The following CIB4 variants were observed in gnomAD, a reference collection of about 807,000 sequenced individuals.
CIB4 encodes the protein calcium and integrin binding family member 4.
CIB4 carries 25 observed loss-of-function variants against 25.8 expected under a neutral mutation model. That is an observed-to-expected ratio of 0.97 (90% CI 0.71 to 1.35). The LOEUF (loss-of-function observed/expected upper bound fraction) is 1.35. Among genes scored for constraint, CIB4 ranks in the 40% most tolerant of loss-of-function variants. The probability of loss-of-function intolerance (pLI) is 0.00; values close to 1 mark genes in which losing one functional copy is unlikely to be tolerated. For missense variants in CIB4, 235 were observed against 228.2 expected, an observed-to-expected ratio of 1.03 and a Z score of -0.19; for synonymous variants, 75 against 81.4, an observed-to-expected ratio of 0.92 and a Z score of 0.42.
intron 3 of CIB4, among the ~76,000 whole-genome samples, chr2:26,602,928 G>A (rs1464432585): frequency 6.6e-6 from 1 of 152,090 alleles, no homozygotes; most frequent in Non-Finnish European, 1.5e-5. Flanking sequence ...GGTGTTCTGT[G>A]CCTGTAGTCC....
intron 1 of CIB4, among the ~76,000 whole-genome samples, 169 bp from the exon 2 acceptor site, chr2:26,640,736 G>T (rs1215260681): frequency 6.6e-6 from 1 of 152,214 alleles, no homozygotes; most frequent in Non-Finnish European, 1.5e-5. Flanking sequence ...GAGAGGAAAT[G>T]GTGCTCTTTC....
At position 26,623,835 on chromosome 2, in the gene CIB4, G is replaced by A. The variant is rs549165930; in HGVS notation, c.186+5575C>T. On this transcript the variant is annotated intron_variant, in intron 3 of 6. Coordinates refer to ENST00000288861, the MANE Select transcript of CIB4 (RefSeq NM_001029881.3). ...GGCCCTGTTTCCAGCCATCCCCAGT[G>A]GATGCAACTACAGCTCTGGGCTCGG... is the stretch of plus-strand genomic sequence containing the variant. Among the ~76,000 whole-genome samples the A allele has an allele frequency of 1.7e-4, 26 of 152,282 alleles. No homozygotes were observed. In the South Asian group the frequency reaches 5.4e-3, roughly 32 times the overall value.
chr2:26,583,984 C>A (rs1236750805), intron 4 of CIB4, 86 bp from the exon 5 acceptor site: 11 of 817,698 alleles, frequency 1.3e-5, no homozygotes, highest in Non-Finnish European at 1.9e-5. Flanking sequence ...GACACAGCAC[C>A]AGCCAGGACC....
At chr2:26,590,619 C>G (rs76208631) in intron 4 of CIB4, among the ~76,000 whole-genome samples, 7 of 152,116 alleles carry the variant, frequency 4.6e-5, no homozygotes, top group Non-Finnish European at 2.9e-5. Flanking sequence ...GTGGACCACT[C>G]CCCCCTCGAC....
At chr2:26,591,038 T>C (rs1338213939) in intron 4 of CIB4, among the ~76,000 whole-genome samples, 1 of 152,200 alleles carries the variant, frequency 6.6e-6, no homozygotes, top group Non-Finnish European at 1.5e-5. Context: ...TCTGCTCACC[T>C]CGCTCCTGAA....
chr2:26,613,010 C>T (rs1249388758), intron 3 of CIB4, among the ~76,000 whole-genome samples: 1 of 152,198 alleles, frequency 6.6e-6, no homozygotes. Flanking sequence ...GGCATTTGGC[C>T]TTGGGCAGAA....
chr2:26,588,916 T>C (rs1201680778), intron 4 of CIB4, among the ~76,000 whole-genome samples: 1 of 151,848 alleles, frequency 6.6e-6, no homozygotes, highest in African/African-American at 2.4e-5. Context: ...TGGAGGCCAG[T>C]AGGTAAGCTC....
intron 3 of CIB4, among the ~76,000 whole-genome samples, chr2:26,622,098 C>T (rs139646623): frequency 2.6e-5 from 4 of 152,184 alleles, no homozygotes; most frequent in East Asian, 1.9e-4. Context: ...TGGTGGCTCA[C>T]GCCTGTAATC....
intron 4 of CIB4, among the ~76,000 whole-genome samples, chr2:26,593,912 T>C (rs1668633815): frequency 6.6e-6 from 1 of 152,220 alleles, no homozygotes; most frequent in South Asian, 2.1e-4. Context: ...TGGACTCCCT[T>C]TCTCTTTCAT....
chr2:26,638,014 C>T (rs59190355), intron 2 of CIB4, among the ~76,000 whole-genome samples: 2,426 of 152,326 alleles, frequency 0.016, 68 homozygotes, highest in African/African-American at 0.054. Context: ...CCACCCCCAG[C>T]GCTGACGCAC....
Position 26,582,889 on chromosome 2 carries a change from T to C in CIB4, c.463A>G (p.Asn155Asp), listed in dbSNP as rs201379980. The C allele has an allele frequency of 5.6e-6, 9 of 1,613,720 alleles. No homozygotes were observed. In the East Asian group the frequency reaches 1.8e-4, roughly 32 times the overall value. The stretch of plus-strand genomic sequence containing the variant: ...TCTGAGAAGGACAGCATGTTGTCAT[T>C]GTCCAGATCCGACTCACTCAGGACC... ...NHVLSESDLD[N>D]DNMLSFSEFE... The change falls in exon 6 of 7, where the codon AAT (asparagine) becomes GAT (aspartate). Residue 155 changes from asparagine to aspartate, a missense_variant. Physicochemically the swap from Asn to Asp is conservative, Grantham distance 23. Coordinates refer to ENST00000288861, the MANE Select transcript of CIB4 (RefSeq NM_001029881.3).
At chr2:26,604,655 C>A (rs1668855778) in intron 3 of CIB4, among the ~76,000 whole-genome samples, 1 of 152,020 alleles carries the variant, frequency 6.6e-6, no homozygotes, top group South Asian at 2.1e-4. Flanking sequence ...AGCAGTAAAC[C>A]AGAGCTACAA....
At position 26,589,047 on chromosome 2, in the gene CIB4, CTTCTTCT is replaced by C. The variant is rs1558554753; in HGVS notation, c.329-5156_329-5150del. On this transcript the variant is annotated intron_variant, in intron 4 of 6. Coordinates refer to ENST00000288861, the MANE Select transcript of CIB4 (RefSeq NM_001029881.3). Reference sequence around the variant, plus strand: ...TCTTCTTCTTCTTCTTCTTCTTCTTCTTCTTCTTCTTCCTCTTCCTCTTCCTCTTCTT... The same window carrying C: ...TCTTCTTCTTCTTCTTCTTCTTCTTCTCTTCCTCTTCCTCTTCCTCTTCTT... Among the ~76,000 whole-genome samples, 53 of 53,554 alleles carry C rather than the reference CTTCTTCT, an allele frequency of 9.9e-4. 1 individual carries two copies. Among genetic ancestry groups the C allele is most frequent in the African/African-American group, 4.0e-3 (51 of 12,834 alleles). 35.1% of individuals were successfully genotyped at this position (53,554 alleles called of 152,430 possible). A position where few individuals can be genotyped will look rare whatever the true frequency, so the allele number is the denominator to read the frequency against.
intron 4 of CIB4, among the ~76,000 whole-genome samples, chr2:26,588,358 C>T (rs1200242322): frequency 6.6e-6 from 1 of 152,256 alleles, no homozygotes; most frequent in Non-Finnish European, 1.5e-5. Flanking sequence ...AAGGACAGGG[C>T]AGCCTGGGAG....
At chr2:26,639,335 A>C (rs975867945) in intron 2 of CIB4, among the ~76,000 whole-genome samples, 4 of 151,722 alleles carry the variant, frequency 2.6e-5, no homozygotes, top group African/African-American at 9.7e-5. Context: ...TCTTCATGCT[A>C]TCCCTCCCCT....
chr2:26,628,111 G>A lies in CIB4; in HGVS notation c.186+1299C>T, dbSNP rs149622296. ...CGAATGAAAAATAGAGAAGCCTGAC[G>A]TAGCCATGATTTGTTAACGTGACAT... On this transcript the variant is annotated intron_variant, in intron 3 of 6. Transcript: ENST00000288861. Among the ~76,000 whole-genome samples, 614 of 152,332 alleles carry A rather than the reference G, an allele frequency of 4.0e-3. 4 individuals are homozygous for A. Among genetic ancestry groups the A allele is most frequent in the African/African-American group, 0.013 (548 of 41,576 alleles).
At chr2:26,594,498 G>A (rs1052066974) in intron 4 of CIB4, among the ~76,000 whole-genome samples, 3 of 152,212 alleles carry the variant, frequency 2.0e-5, no homozygotes, top group Non-Finnish European at 4.4e-5. Flanking sequence ...ATGCGAATGA[G>A]CAAGTCTAAA....
In CIB4 at chr2:26,604,862, C is replaced by T. The variant is rs1362479520; in HGVS notation, c.187-9545G>A. On this transcript the variant is annotated intron_variant, in intron 3 of 6. Transcript: ENST00000288861. ...GTTTAACATCCAATGATTGATAGAA[C>T]AAGTAGGACCTCTAAAAATCATTAA... is the stretch of plus-strand genomic sequence containing the variant. Among the ~76,000 whole-genome samples, 5 of 152,080 alleles carry T rather than the reference C, an allele frequency of 3.3e-5. No individual in the cohort carries two copies. In the East Asian group the frequency reaches 9.6e-4, roughly 29 times the overall value.
intron 4 of CIB4, among the ~76,000 whole-genome samples, chr2:26,591,143 C>G (rs766252053): frequency 6.6e-6 from 1 of 152,204 alleles, no homozygotes; most frequent in Non-Finnish European, 1.5e-5. Flanking sequence ...TACGCTCTAC[C>G]GTCTCTGAGA....
Sources: allele counts gnomAD v4.1 joint callset (sites outside exome capture counted in the v4.1 genomes callset), GRCh38; gene constraint gnomAD v4.1.1; transcripts MANE v1.5; gene names NCBI Gene and HGNC (gene_info 2026-07-23, HGNC 2026-07-21).